Variants in HSF2BP observed in about 807,000 individuals in gnomAD.
The protein encoded by HSF2BP is heat shock transcription factor 2 binding protein, also known as heat shock factor 2-binding protein.
A neutral mutation model predicts 35.0 loss-of-function variants in HSF2BP; 35 were observed. The ratio of observed to expected loss-of-function variants is 1.00; its 90% CI spans 0.76 to 1.32. The LOEUF (loss-of-function observed/expected upper bound fraction) is 1.32, where lower values mean the gene tolerates loss of function less well. Among genes scored for constraint, HSF2BP ranks in the 40% most tolerant of loss-of-function variants. HSF2BP has a pLI of 0.00. For missense variants in HSF2BP, 326 were observed against 321.7 expected, an observed-to-expected ratio of 1.01 and a Z score of -0.10; for synonymous variants, 114 against 117.4, an observed-to-expected ratio of 0.97 and a Z score of 0.18.
chr21:43,604,828 CCACA>C lies in HSF2BP; in HGVS notation c.692+8998_692+9001del, dbSNP rs543733982. 1.7e-3 allele frequency among the ~76,000 whole-genome samples: 219 copies of C among 132,008 alleles called. 1 individual carries two copies. Among genetic ancestry groups the C allele is most frequent in the African/African-American group, 5.9e-3 (208 of 35,400 alleles). 86.6% of individuals were successfully genotyped at this position (132,008 alleles called of 152,430 possible). On this transcript the variant is annotated intron_variant, in intron 7 of 8. Transcript: ENST00000291560. ...CCACACACACCACCCACATCGCACACCACACACACCACACATCACACACACCACA... is the reference window on the plus strand; with the variant it reads ...CCACACACACCACCCACATCGCACACCACACCACACATCACACACACCACA...
At chr21:43,579,203 G>A (rs2081687255) in intron 8 of HSF2BP, among the ~76,000 whole-genome samples, 1 of 152,180 alleles carries the variant, frequency 6.6e-6, no homozygotes, top group Admixed American at 6.5e-5. Context: ...TTCATTAGCT[G>A]CGGTTTTCTA....
chr21:43,657,218 A>G (rs960440906), intron 2 of HSF2BP, among the ~76,000 whole-genome samples: 3 of 152,138 alleles, frequency 2.0e-5, no homozygotes, highest in African/African-American at 7.2e-5. Context: ...AAAAATACAA[A>G]AATTAGCCAG....
At chr21:43,656,375 C>T (rs1430238829) in intron 3 of HSF2BP, among the ~76,000 whole-genome samples, 2 of 152,194 alleles carry the variant, frequency 1.3e-5, no homozygotes, top group Admixed American at 6.5e-5. Flanking sequence ...TTAATAGATG[C>T]TCAGAAAACT....
At position 43,658,139 on chromosome 21, in the gene HSF2BP, C is replaced by T. The variant is rs777638265; in HGVS notation, c.-43G>A. ...CTCCGTTCGCCTGAGCGTCGGCGCG[C>T]CCTCTGACCCCTCACGCCAGAAAGC... On this transcript the variant is annotated 5_prime_UTR_variant, in exon 2 of 9. Coordinates refer to ENST00000291560, the MANE Select transcript of HSF2BP (RefSeq NM_007031.2). 3.3e-6 allele frequency: 5 copies of T among 1,493,004 alleles called. No homozygotes were observed. In the South Asian group the frequency reaches 5.1e-5, roughly 15 times the overall value. 92.5% of individuals were successfully genotyped at this position (1,493,004 alleles called of 1,614,324 possible).
At chr21:43,595,618 A>G (rs1293440113) in intron 7 of HSF2BP, among the ~76,000 whole-genome samples, 1 of 151,826 alleles carries the variant, frequency 6.6e-6, no homozygotes, top group Non-Finnish European at 1.5e-5. Flanking sequence ...TGACAGTGCT[A>G]CTACACTCCA....
chr21:43,583,808 A>G (rs382663), intron 8 of HSF2BP, among the ~76,000 whole-genome samples: 2,792 of 28,226 alleles, frequency 0.099, no homozygotes, highest in Middle Eastern at 0.19. Context: ...ACCTGCTGAG[A>G]GAGATGAAGG....
chr21:43,616,948 GGA>G (rs2082279020), intron 6 of HSF2BP, among the ~76,000 whole-genome samples: 1 of 150,792 alleles, frequency 6.6e-6, no homozygotes, highest in Non-Finnish European at 1.5e-5. Flanking sequence ...AAAGAAAAAA[GGA>G]AAAAAAGGAT....
At chr21:43,618,869 C>T (rs56151312) in intron 6 of HSF2BP, among the ~76,000 whole-genome samples, 9,484 of 151,502 alleles carry the variant, frequency 0.063, 442 homozygotes, top group Admixed American at 0.14. Flanking sequence ...GGCGTGAACC[C>T]GGGAGGCAGA....
chr21:43,654,226 C>T lies in HSF2BP; in HGVS notation c.187+2361G>A, dbSNP rs559378204. Among the ~76,000 whole-genome samples, 6 of 152,310 alleles carry T rather than the reference C, an allele frequency of 3.9e-5. No homozygotes were observed. In the South Asian group the frequency reaches 1.0e-3, roughly 26 times the overall value. On this transcript the variant is annotated intron_variant, in intron 3 of 8. Coordinates refer to ENST00000291560, the MANE Select transcript of HSF2BP (RefSeq NM_007031.2). ...GCCTTATTCTGTAAAATCCCAGACT[C>T]GCACAAATTTTGTTCTTTGAAATTA...
At chr21:43,644,053 G>C (rs566732052) in intron 4 of HSF2BP, among the ~76,000 whole-genome samples, 4 of 152,226 alleles carry the variant, frequency 2.6e-5, no homozygotes, top group Non-Finnish European at 4.4e-5. Context: ...TTATGTTGTA[G>C]GGCAGATTTT....
At chr21:43,638,635 C>G (rs1269236342) in intron 4 of HSF2BP, among the ~76,000 whole-genome samples, 4 of 152,000 alleles carry the variant, frequency 2.6e-5, no homozygotes, top group Non-Finnish European at 5.9e-5. Context: ...TAATTGTAAA[C>G]TGCTGATGAA....
chr21:43,596,387 T>TACACACAC (rs112009393), intron 7 of HSF2BP, among the ~76,000 whole-genome samples: 13 of 147,348 alleles, frequency 8.8e-5, no homozygotes, highest in African/African-American at 3.0e-4. Flanking sequence ...GCTAGTGAAA[T>TACACACAC]ACACACACAC....
chr21:43,651,335 C>T (rs1176314548), intron 3 of HSF2BP, among the ~76,000 whole-genome samples: 2 of 152,148 alleles, frequency 1.3e-5, no homozygotes, highest in African/African-American at 4.8e-5. Context: ...TCCTGTATCT[C>T]CATACTCTCA....
At chr21:43,650,094 CCTTCATTGTA>C (rs1457236076) in intron 3 of HSF2BP, among the ~76,000 whole-genome samples, 1 of 152,226 alleles carries the variant, frequency 6.6e-6, no homozygotes. Flanking sequence ...CATCGCACCA[CCTTCATTGTA>C]CTTACTGATT....
At chr21:43,632,151 T>A (rs111213088) in intron 5 of HSF2BP, among the ~76,000 whole-genome samples, 524 of 13,810 alleles carry the variant, frequency 0.038, 17 homozygotes, top group African/African-American at 0.078. Context: ...ACACACACAC[T>A]CACACAGTCT....
chr21:43,612,296 G>A (rs867937527), intron 7 of HSF2BP, among the ~76,000 whole-genome samples: 3 of 152,068 alleles, frequency 2.0e-5, no homozygotes, highest in African/African-American at 7.2e-5. Flanking sequence ...AAGAGACACC[G>A]AGGCCAGGAT....
rs984958755 is a variant in HSF2BP at position 43,659,125 on chromosome 21, C to A, written c.-225+261G>T. Among the ~76,000 whole-genome samples the A allele has an allele frequency of 6.6e-6, 1 of 152,086 alleles. No homozygotes were observed. Among genetic ancestry groups the A allele is most frequent in the Non-Finnish European group, 1.5e-5 (1 of 68,010 alleles). On this transcript the variant is annotated intron_variant, in intron 1 of 8. Coordinates refer to ENST00000291560, the MANE Select transcript of HSF2BP (RefSeq NM_007031.2). This position sits in a 1 kb window ranked among gnomAD's most constrained non-coding sequence, Gnocchi z 4.2. ...CCAGCTTGGGCAACATAGCGAGACACCGTCTCTACAAAAAAATAACAAATA... is the reference window on the plus strand; with the variant it reads ...CCAGCTTGGGCAACATAGCGAGACAACGTCTCTACAAAAAAATAACAAATA...
intron 5 of HSF2BP, among the ~76,000 whole-genome samples, chr21:43,632,048 CT>C (rs1477560463): frequency 1.0e-3 from 30 of 29,740 alleles, no homozygotes; most frequent in East Asian, 3.1e-3. Context: ...CACACACACG[CT>C]CCCCCCCCAC....
intron 7 of HSF2BP, among the ~76,000 whole-genome samples, chr21:43,610,451 A>AT (rs2082190008): frequency 6.6e-6 from 1 of 151,050 alleles, no homozygotes; most frequent in East Asian, 2.0e-4. Flanking sequence ...AAAAAAAAAA[A>AT]TTAGCTGCGC....
Sources: allele counts gnomAD v4.1 joint callset (sites outside exome capture counted in the v4.1 genomes callset), GRCh38; gene constraint gnomAD v4.1.1; non-coding constraint Gnocchi (gnomAD v3.1); transcripts MANE v1.5; gene names NCBI Gene and HGNC (gene_info 2026-07-23, HGNC 2026-07-21).